The following C12orf42 variants were observed in gnomAD, a reference collection of about 807,000 sequenced individuals.
The protein encoded by C12orf42 is uncharacterized protein C12orf42.
C12orf42 carries 25 observed loss-of-function variants against 21.6 expected under a neutral mutation model. The ratio of observed to expected loss-of-function variants is 1.16; its 90% CI spans 0.84 to 1.62. C12orf42 has a LOEUF of 1.62. Among genes scored for constraint, C12orf42 ranks in the 40% most tolerant of loss-of-function variants. The pLI, the probability that C12orf42 is intolerant of heterozygous loss-of-function variation, is 0.00. For missense variants in C12orf42, 483 were observed against 459.3 expected, an observed-to-expected ratio of 1.05 and a Z score of -0.47; for synonymous variants, 174 against 175.0, an observed-to-expected ratio of 0.99 and a Z score of 0.05.
At chr12:103,551,928 G>A in the C12orf42 span, among the ~76,000 whole-genome samples, 7 of 152,300 alleles carry the variant, frequency 4.6e-5, no homozygotes, top group South Asian at 2.1e-4. Context: ...TAGTTAGGGT[G>A]ATGATTCCTT....
the C12orf42 span, among the ~76,000 whole-genome samples, chr12:103,535,010 A>G: frequency 6.6e-6 from 1 of 152,110 alleles, no homozygotes; most frequent in Non-Finnish European, 1.5e-5. Context: ...ATCTATGGAG[A>G]CTGAGCTCAG....
At chr12:103,526,721 T>C in the C12orf42 span, among the ~76,000 whole-genome samples, 1 of 152,090 alleles carries the variant, frequency 6.6e-6, no homozygotes, top group Non-Finnish European at 1.5e-5. Flanking sequence ...AAAAAGCCCA[T>C]GTGAAGACAC....
At chr12:103,057,829 C>T in the C12orf42 span, among the ~76,000 whole-genome samples, 1 of 152,164 alleles carries the variant, frequency 6.6e-6, no homozygotes, top group Admixed American at 6.5e-5. Context: ...AGTGTAAAAG[C>T]ATTCCCACTT....
Position 103,324,216 on chromosome 12 carries a change from G to A in C12orf42, c.260-17871C>T, listed in dbSNP as rs115918190. 3.3e-3 allele frequency among the ~76,000 whole-genome samples: 505 copies of A among 152,152 alleles called. 4 individuals carry two copies. The highest frequency in any genetic ancestry group is 0.012 in the African/African-American group (481 of 41,530). On this transcript the variant is annotated intron_variant, in intron 4 of 5. Coordinates refer to ENST00000548883, the MANE Select transcript of C12orf42 (RefSeq NM_198521.5). ...TAAGCACTTACAATATTATTATGTT[G>A]TAACATTTAGAGCCTATAAACTCTA...
In C12orf42 at chr12:103,274,272, T is replaced by C. The variant is rs934921669; in HGVS notation, n.398+2878A>G. 4.5e-4 allele frequency among the ~76,000 whole-genome samples: 69 copies of C among 152,304 alleles called. 2 individuals carry two copies. The highest frequency in any genetic ancestry group is 1.5e-3 in the African/African-American group (62 of 41,572). ...CAAGACAGTTTATCTGTGATGCCTG[T>C]GCTGCTAAACATGGACTTGGAACTC... On this transcript the variant is annotated intron_variant and non_coding_transcript_variant, in intron 5 of 6. Transcript: ENST00000546526.
At position 103,303,549 on chromosome 12, in the gene C12orf42, C is replaced by T. The variant is rs562250906; in HGVS notation, c.632-990G>A. 8.5e-5 allele frequency among the ~76,000 whole-genome samples: 13 copies of T among 152,220 alleles called. No homozygotes were observed. In the South Asian group the frequency reaches 1.0e-3, roughly 12 times the overall value. On this transcript the variant is annotated intron_variant, in intron 5 of 5. Transcript: ENST00000548883. Reference sequence around the variant, plus strand: ...GATGTCTAGAATATTTGGAGCAACTCAGATCATTCCAAAATTCAAAAAACA... The same window carrying T: ...GATGTCTAGAATATTTGGAGCAACTTAGATCATTCCAAAATTCAAAAAACA...
intron 4 of C12orf42, among the ~76,000 whole-genome samples, chr12:103,362,071 A>G (rs972525777): frequency 1.3e-5 from 2 of 152,152 alleles, no homozygotes; most frequent in African/African-American, 2.4e-5. Context: ...AGTGCATTAA[A>G]CAACCAAAAT....
chr12:103,353,513 G>A (rs2043272910), intron 4 of C12orf42, among the ~76,000 whole-genome samples: 1 of 152,054 alleles, frequency 6.6e-6, no homozygotes, highest in African/African-American at 2.4e-5. Context: ...TCAGGGTCCA[G>A]CAGGAACAAA....
At chr12:103,216,700 G>T in the C12orf42 span, among the ~76,000 whole-genome samples, 1 of 151,956 alleles carries the variant, frequency 6.6e-6, no homozygotes, top group Non-Finnish European at 1.5e-5. Context: ...TCACAATATA[G>T]AATCCAATAA....
chr12:103,139,274 T>A, the C12orf42 span, among the ~76,000 whole-genome samples: 8 of 152,160 alleles, frequency 5.3e-5, no homozygotes, highest in African/African-American at 1.9e-4. Flanking sequence ...TGGATACTAT[T>A]TTCCAGACAT....
At chr12:103,499,144 G>A (rs958560102), upstream of C12orf42, among the ~76,000 whole-genome samples, 1 of 152,074 alleles carries the variant, frequency 6.6e-6, no homozygotes, top group Non-Finnish European at 1.5e-5. Context: ...AGTCAAAGGG[G>A]ATAAACCTTC....
the C12orf42 span, among the ~76,000 whole-genome samples, chr12:103,518,571 T>C: frequency 6.6e-6 from 1 of 152,180 alleles, no homozygotes; most frequent in Non-Finnish European, 1.5e-5. Flanking sequence ...GCCACACACC[T>C]GCATCCCAGG....
chr12:103,279,613 C>A (rs1344504267), intron 4 of C12orf42, among the ~76,000 whole-genome samples: 1 of 152,130 alleles, frequency 6.6e-6, no homozygotes, highest in African/African-American at 2.4e-5. Context: ...TAGAGAAAAA[C>A]CAGTGTCATG....
the C12orf42 span, among the ~76,000 whole-genome samples, chr12:103,073,190 G>A: frequency 6.6e-6 from 1 of 152,278 alleles, no homozygotes; most frequent in Non-Finnish European, 1.5e-5. Flanking sequence ...ATGGAGGGTG[G>A]GAGGAGGGAG....
chr12:103,131,887 G>C, the C12orf42 span, among the ~76,000 whole-genome samples: 6 of 152,076 alleles, frequency 3.9e-5, no homozygotes, highest in African/African-American at 1.4e-4. Context: ...TGTCAGTAGG[G>C]GTGATGTTAC....
chr12:103,347,472 G>T (rs542457119), intron 4 of C12orf42, among the ~76,000 whole-genome samples: 1 of 152,078 alleles, frequency 6.6e-6, no homozygotes, highest in Non-Finnish European at 1.5e-5. Context: ...CATTTGGGTT[G>T]GTTCGAAGTC....
At chr12:103,188,872 C>T in the C12orf42 span, among the ~76,000 whole-genome samples, 1 of 152,164 alleles carries the variant, frequency 6.6e-6, no homozygotes, top group Non-Finnish European at 1.5e-5. Flanking sequence ...TGCAAATTAC[C>T]CAGTCTCCAG....
chr12:103,053,774 A>G, the C12orf42 span, among the ~76,000 whole-genome samples: 2 of 151,930 alleles, frequency 1.3e-5, no homozygotes, highest in African/African-American at 4.8e-5. Context: ...TAAATTTTGT[A>G]CAAGATGTGA....
At chr12:103,141,845 T>C in the C12orf42 span, among the ~76,000 whole-genome samples, 4 of 152,174 alleles carry the variant, frequency 2.6e-5, no homozygotes, top group Non-Finnish European at 5.9e-5. Context: ...AAAACAATTA[T>C]AGATAAATGT....
Sources: allele counts gnomAD v4.1 joint callset (sites outside exome capture counted in the v4.1 genomes callset), GRCh38; gene constraint gnomAD v4.1.1; transcripts MANE v1.5; gene names NCBI Gene and HGNC (gene_info 2026-07-23, HGNC 2026-07-21).